The following MET variants were observed in gnomAD, a reference collection of about 807,000 sequenced individuals.
The protein encoded by MET is MET proto-oncogene, receptor tyrosine kinase.
In MET, 48 loss-of-function variants were observed where a neutral mutation model predicts 133.1. The observed-to-expected ratio is 0.36, with a 90% confidence interval of 0.29 to 0.46. The LOEUF is 0.46. MET is among the 20% of genes least tolerant of loss of function. The pLI, the probability that MET is intolerant of heterozygous loss-of-function variation, is 1.00. For synonymous variants in MET, 628 were observed against 616.5 expected (o/e 1.02, Z -0.28); for missense variants, 1,442 against 1,695.9 (o/e 0.85, Z 2.63).
chr7:116,777,517 AC>A (rs752837137), intron 16 of MET, 48 bp downstream of exon 16: 1 of 1,532,446 alleles, frequency 6.5e-7, no homozygotes, highest in Non-Finnish European at 9.0e-7. Flanking sequence ...GTGGTTTGCA[AC>A]CTAATAAATA....
chr7:116,699,643 T>A lies in MET; in HGVS notation c.559T>A (p.Ser187Thr), dbSNP rs1791489630. ...CGCCCTGGGAGCCAAAGTCCTTTCA[T>A]CTGTAAAGGACCGGTTCATCAACTT... ...VSALGAKVLSSVKDRFINFFV... is the reference protein window; with the variant it reads ...VSALGAKVLSTVKDRFINFFV... Residue 187 changes from serine (S) to threonine (T), a missense_variant, in exon 2 of 21, where the codon TCT (serine) becomes ACT (threonine). Ser to Thr is a moderately conservative substitution (Grantham distance 58). Coordinates refer to ENST00000397752, the MANE Select transcript of MET (RefSeq NM_000245.4). 6.2e-7 allele frequency: 1 copy of A among 1,614,012 alleles called. No homozygotes were observed.
intron 2 of MET, among the ~76,000 whole-genome samples, chr7:116,711,522 C>T (rs1791991803): frequency 6.6e-6 from 1 of 152,148 alleles, no homozygotes; most frequent in South Asian, 2.1e-4. Context: ...CAAAATAAAG[C>T]CTGGTTTCAT....
intron 1 of MET, among the ~76,000 whole-genome samples, chr7:116,677,974 T>C (rs1387337919): frequency 3.5e-5 from 1 of 28,906 alleles, no homozygotes; most frequent in Non-Finnish European, 6.0e-5. Flanking sequence ...TGTCTTTCTC[T>C]CTCTCTCTCT....
chr7:116,766,282 A>G (rs1794625196), intron 11 of MET, among the ~76,000 whole-genome samples: 2 of 152,234 alleles, frequency 1.3e-5, no homozygotes, highest in Non-Finnish European at 2.9e-5. Flanking sequence ...ATATGAGAAT[A>G]AAGATGCTTC....
intron 2 of MET, among the ~76,000 whole-genome samples, chr7:116,722,534 C>G (rs1792536261): frequency 1.3e-5 from 2 of 151,722 alleles, no homozygotes; most frequent in Admixed American, 6.6e-5. Context: ...ATGATGTTAG[C>G]TGGTTATTTT....
chr7:116,681,232 T>C (rs1175458192), intron 1 of MET, among the ~76,000 whole-genome samples: 1 of 152,154 alleles, frequency 6.6e-6, no homozygotes, highest in Non-Finnish European at 1.5e-5. Context: ...CAGAGGCATG[T>C]TCTAAGCACT....
rs2117029329 is a variant in MET, at chr7:116,774,876, T to C, written c.3029-5T>C. 6.2e-7 allele frequency: 1 copy of C among 1,612,580 alleles called. No individual in the cohort carries two copies. Among genetic ancestry groups the C allele is most frequent in the Non-Finnish European group, 8.5e-7 (1 of 1,178,718 alleles). On this transcript the variant is annotated splice_region_variant and splice_polypyrimidine_tract_variant and intron_variant, in intron 14 of 20. Transcript: ENST00000397752. ...GTTCTTTAATAATTTTCCTTCATCT[T>C]ACAGATCAGTTTCCTAATTCATCTC...
chr7:116,794,646 G>C (rs1795615349), intron 19 of MET, among the ~76,000 whole-genome samples: 2 of 152,198 alleles, frequency 1.3e-5, no homozygotes, highest in Admixed American at 6.5e-5. Context: ...TACTCCAGCT[G>C]TCTGGTGTGG....
At chr7:116,761,254 A>T (rs1584945407) in intron 10 of MET, among the ~76,000 whole-genome samples, 1 of 152,206 alleles carries the variant, frequency 6.6e-6, no homozygotes, top group Admixed American at 6.5e-5. Context: ...TATATCTGGA[A>T]ATATAAACTT....
intron 1 of MET, among the ~76,000 whole-genome samples, chr7:116,686,992 G>A (rs565581078): frequency 5.9e-5 from 9 of 152,252 alleles, no homozygotes; most frequent in South Asian, 2.1e-4. Context: ...CTTCTCCCCC[G>A]TGCTGCTCCA....
intron 10 of MET, among the ~76,000 whole-genome samples, chr7:116,761,657 C>A (rs773227861): frequency 1.3e-5 from 2 of 152,018 alleles, no homozygotes; most frequent in Non-Finnish European, 2.9e-5. Flanking sequence ...GTGTAGTTCT[C>A]AAATTTCTTG....
chr7:116,714,768 CACACACACAG>C (rs1284872223), intron 2 of MET, among the ~76,000 whole-genome samples: 1 of 151,756 alleles, frequency 6.6e-6, no homozygotes, highest in Admixed American at 6.6e-5. Flanking sequence ...CACACACACA[CACACACACAG>C]GCCACAGGGA....
At chr7:116,754,338 A>G (rs975492061) in intron 5 of MET, among the ~76,000 whole-genome samples, 5 of 152,324 alleles carry the variant, frequency 3.3e-5, no homozygotes, top group Non-Finnish European at 7.3e-5. Context: ...TAGTGCACGC[A>G]GCCAGTGCAC....
At chr7:116,755,205 C>T in intron 5 of MET, 150 bp from the exon 6 acceptor site, 1 of 907,982 alleles carries the variant, frequency 1.1e-6, no homozygotes, top group Middle Eastern at 3.1e-4. Flanking sequence ...ACCCTTTTCC[C>T]TTTAGTGAAA....
intron 19 of MET, among the ~76,000 whole-genome samples, chr7:116,792,081 A>G (rs1795518445): frequency 7.8e-6 from 1 of 128,782 alleles, no homozygotes; most frequent in Non-Finnish European, 1.9e-5. Context: ...AACTTTATCA[A>G]TTTATTTTTT....
intron 2 of MET, among the ~76,000 whole-genome samples, chr7:116,731,095 A>G (rs1792985348): frequency 6.6e-6 from 1 of 152,222 alleles, no homozygotes. Context: ...CACAGAAATT[A>G]CATGATTTTC....
intron 8 of MET, 133 bp downstream of exon 8, chr7:116,757,907 A>G (rs1794252118): frequency 9.9e-7 from 1 of 1,010,262 alleles, no homozygotes; most frequent in Non-Finnish European, 1.5e-6. Context: ...TCTCCTACTG[A>G]CAAAACTTCC....
chr7:116,787,883 C>T (rs1795366971), intron 19 of MET, among the ~76,000 whole-genome samples: 3 of 152,042 alleles, frequency 2.0e-5, no homozygotes, highest in South Asian at 4.1e-4. Flanking sequence ...TGAATGATCA[C>T]AGTAGTTTTC....
chr7:116,755,043 A>AG (rs1794125168), intron 5 of MET, among the ~76,000 whole-genome samples: 3 of 151,482 alleles, frequency 2.0e-5, no homozygotes, highest in South Asian at 2.1e-4. Flanking sequence ...AAAGAAAGAA[A>AG]AGAAAGAAAG....
Sources: allele counts gnomAD v4.1 joint callset (sites outside exome capture counted in the v4.1 genomes callset), GRCh38; gene constraint gnomAD v4.1.1; transcripts MANE v1.5; gene names NCBI Gene and HGNC (gene_info 2026-07-23, HGNC 2026-07-21).